PCCA: variants seen among roughly 807,000 people sequenced by gnomAD.
The protein encoded by PCCA is propionyl-CoA carboxylase subunit alpha.
In PCCA, 74 loss-of-function variants were observed where a neutral mutation model predicts 101.3. The ratio of observed to expected loss-of-function variants is 0.73; its 90% confidence interval spans 0.61 to 0.89. The LOEUF is 0.89. PCCA is among the 40% of genes least tolerant of loss of function. The pLI is 0.00. For missense variants in PCCA, 891 were observed against 907.0 expected (o/e 0.98, Z 0.23); for synonymous variants, 294 against 313.6 (o/e 0.94, Z 0.66).
At chr13:100,343,789 T>C (rs2071753119) in intron 18 of PCCA, among the ~76,000 whole-genome samples, 1 of 152,216 alleles carries the variant, frequency 6.6e-6, no homozygotes, top group African/African-American at 2.4e-5. Context: ...TGTATAGATG[T>C]TATTGGCCAG....
intron 19 of PCCA, among the ~76,000 whole-genome samples, chr13:100,414,829 T>G (rs1420573114): frequency 6.6e-6 from 1 of 152,142 alleles, no homozygotes; most frequent in Non-Finnish European, 1.5e-5. Context: ...AGTAGTTAAA[T>G]GATAAGAACT....
At chr13:100,477,143 C>T (rs1427651958) in intron 21 of PCCA, among the ~76,000 whole-genome samples, 4 of 152,170 alleles carry the variant, frequency 2.6e-5, no homozygotes, top group Non-Finnish European at 5.9e-5. Flanking sequence ...GCCTCATTTA[C>T]GCTCTCTCGG....
chr13:100,471,265 G>A (rs747001592), intron 21 of PCCA, among the ~76,000 whole-genome samples: 1 of 152,194 alleles, frequency 6.6e-6, no homozygotes, highest in Non-Finnish European at 1.5e-5. Context: ...GTTTACCATC[G>A]TACATGGGCA....
At chr13:100,298,031 T>C (rs1291976934) in intron 12 of PCCA, among the ~76,000 whole-genome samples, 1 of 151,910 alleles carries the variant, frequency 6.6e-6, no homozygotes, top group Non-Finnish European at 1.5e-5. Flanking sequence ...CCAAGATTTA[T>C]ATATTCACAT....
intron 6 of PCCA, among the ~76,000 whole-genome samples, chr13:100,163,798 CT>C (rs2152400206): frequency 6.6e-6 from 1 of 152,200 alleles, no homozygotes; most frequent in Non-Finnish European, 1.5e-5. Context: ...TCAGTCTCCC[CT>C]TTTTTTCCTT....
chr13:100,162,982 G>A (rs988886188), intron 6 of PCCA, among the ~76,000 whole-genome samples: 12 of 152,166 alleles, frequency 7.9e-5, no homozygotes, highest in African/African-American at 1.4e-4. Context: ...GTTTGAGAAC[G>A]TTTCCTTTCC....
At chr13:100,251,851 G>T (rs2061770552) in intron 8 of PCCA, among the ~76,000 whole-genome samples, 1 of 152,166 alleles carries the variant, frequency 6.6e-6, no homozygotes, top group South Asian at 2.1e-4. Context: ...TGAATTTAAT[G>T]AGTGAATAAT....
At chr13:100,418,519 C>T (rs775788706) in intron 19 of PCCA, among the ~76,000 whole-genome samples, 2 of 152,134 alleles carry the variant, frequency 1.3e-5, no homozygotes, top group Non-Finnish European at 2.9e-5. Flanking sequence ...TTTATTTCCT[C>T]TAATTCATTG....
At chr13:100,224,231 G>A (rs904619616) in intron 7 of PCCA, among the ~76,000 whole-genome samples, 3 of 152,238 alleles carry the variant, frequency 2.0e-5, no homozygotes, top group African/African-American at 7.2e-5. Context: ...GAAATCGAGC[G>A]CAGTGCTGGT....
intron 16 of PCCA, among the ~76,000 whole-genome samples, chr13:100,311,597 C>T (rs1333625512): frequency 6.6e-6 from 1 of 151,842 alleles, no homozygotes; most frequent in Non-Finnish European, 1.5e-5. Context: ...TGGCAGAACC[C>T]CGTCTCTAGT....
chr13:100,442,826 G>A (rs1180945709), intron 20 of PCCA, among the ~76,000 whole-genome samples: 3 of 152,208 alleles, frequency 2.0e-5, no homozygotes, highest in South Asian at 4.1e-4. Flanking sequence ...GACCTACGAA[G>A]AGGAGGGGGC....
Position 100,164,396 on chromosome 13 carries a change from A to G in PCCA, c.468+7056A>G, listed in dbSNP as rs541104811. 5.3e-5 allele frequency among the ~76,000 whole-genome samples: 8 copies of G among 152,292 alleles called. No homozygotes were observed. In the South Asian group the frequency reaches 6.2e-4, roughly 12 times the overall value. On this transcript the variant is annotated intron_variant, in intron 6 of 23. Coordinates refer to ENST00000376285, the MANE Select transcript of PCCA (RefSeq NM_000282.4). ...GTGGTAGTTTAAAAACTAGTCTTAGAGTGATAGCAGGTTGTTTCAGCAGTT... is the reference window on the plus strand; with the variant it reads ...GTGGTAGTTTAAAAACTAGTCTTAGGGTGATAGCAGGTTGTTTCAGCAGTT...
intron 19 of PCCA, among the ~76,000 whole-genome samples, chr13:100,372,831 C>G (rs1266924688): frequency 6.6e-6 from 1 of 152,166 alleles, no homozygotes; most frequent in Non-Finnish European, 1.5e-5. Context: ...CCTCTGCCTC[C>G]CAGGTTCAAG....
intron 14 of PCCA, chr13:100,305,902 A>T (rs2066408112): frequency 2.6e-6 from 1 of 379,504 alleles, no homozygotes; most frequent in Non-Finnish European, 5.2e-6. Context: ...ACGAATACAG[A>T]TATCTATATT....
At chr13:100,320,751 A>G (rs1011013942) in intron 16 of PCCA, among the ~76,000 whole-genome samples, 2 of 152,068 alleles carry the variant, frequency 1.3e-5, no homozygotes, top group African/African-American at 4.8e-5. Context: ...GGATTTTTGC[A>G]TCGATGTTCA....
intron 4 of PCCA, among the ~76,000 whole-genome samples, chr13:100,147,884 GT>G (rs2052775013): frequency 6.6e-6 from 1 of 151,738 alleles, no homozygotes; most frequent in Admixed American, 6.6e-5. Flanking sequence ...TTTTTTTTGT[GT>G]TTTTAATAAA....
At chr13:100,334,693 C>G (rs564388925) in intron 17 of PCCA, among the ~76,000 whole-genome samples, 1 of 151,964 alleles carries the variant, frequency 6.6e-6, no homozygotes, top group Admixed American at 6.5e-5. Context: ...ATTAGTGACT[C>G]AAAGGAATAA....
At chr13:100,528,588 G>A (rs545358950) in intron 23 of PCCA, among the ~76,000 whole-genome samples, 7 of 152,352 alleles carry the variant, frequency 4.6e-5, no homozygotes, top group Admixed American at 2.6e-4. Context: ...TCAGAGAAGG[G>A]GCAGCGGGGA....
intron 10 of PCCA, among the ~76,000 whole-genome samples, chr13:100,267,458 C>CT (rs1463855304): frequency 1.3e-5 from 2 of 151,978 alleles, no homozygotes; most frequent in Non-Finnish European, 2.9e-5. Context: ...TAGCCATGAT[C>CT]TTTATTTGAT....
Sources: gnomAD v4.1 joint callset for allele counts (sites outside exome capture counted in the v4.1 genomes callset) on GRCh38, gnomAD v4.1.1 for gene constraint, MANE v1.5 for transcripts, NCBI Gene and HGNC (gene_info 2026-07-23, HGNC 2026-07-21) for gene names.